UCK2: variants seen among roughly 807,000 people sequenced by gnomAD.
UCK2 encodes cytidine monophosphokinase 2.
Under a neutral mutation model 30.8 loss-of-function variants are expected in UCK2, and 6 were observed. The observed-to-expected ratio is 0.19, with a 90% CI of 0.11 to 0.38. UCK2 has a LOEUF of 0.38. Ranked by LOEUF, UCK2 falls within the 10% of genes least tolerant of loss-of-function variation. The probability of loss-of-function intolerance (pLI) is 1.00; values close to 1 mark genes in which losing one functional copy is unlikely to be tolerated. For synonymous variants in UCK2, 125 were observed against 133.6 expected (o/e 0.94, Z 0.45); for missense variants, 210 against 339.8 (o/e 0.62, Z 3.00).
intron 2 of UCK2, chr1:165,890,908 A>T (rs1009816094): frequency 9.7e-6 from 3 of 308,344 alleles, no homozygotes; most frequent in African/African-American, 6.6e-5. Context: ...TTTGCTTTCC[A>T]GGTCAGTTTA....
intron 3 of UCK2, among the ~76,000 whole-genome samples, chr1:165,895,336 C>T (rs1655872972): frequency 6.6e-6 from 1 of 152,142 alleles, no homozygotes; most frequent in South Asian, 2.1e-4. Context: ...ATCGCCTGAG[C>T]CTGGGAAGTT....
intron 3 of UCK2, 67 bp downstream of exon 3, chr1:165,891,389 A>C: frequency 1.4e-6 from 2 of 1,438,132 alleles, no homozygotes; most frequent in Non-Finnish European, 2.0e-6. Flanking sequence ...GTCTGCACTG[A>C]GACCTCCTTC....
At chr1:165,858,689 G>C (rs1464598957) in intron 1 of UCK2, among the ~76,000 whole-genome samples, 1 of 152,176 alleles carries the variant, frequency 6.6e-6, no homozygotes, top group Non-Finnish European at 1.5e-5. Context: ...CCCCATGGGA[G>C]GAGGGAGAGT....
chr1:165,868,789 C>T (rs902420025), intron 1 of UCK2, among the ~76,000 whole-genome samples: 5 of 152,186 alleles, frequency 3.3e-5, no homozygotes, highest in African/African-American at 7.2e-5. Flanking sequence ...TTCATGTGTT[C>T]ACTGGAGTGG....
rs748727831 is a variant in UCK2, at chr1:165,903,206, G to A, written c.524G>A (p.Gly175Asp). Reference protein sequence around the residue: ...RRVLRDISERGRDLEQILSQY... With the variant: ...RRVLRDISERDRDLEQILSQY... ...GTATTAAGGGACATCAGCGAGAGAG[G>A]CAGGGATCTTGAGCAGATTTTATCT... is the stretch of plus-strand genomic sequence containing the variant. The change falls in exon 5 of 7, where the codon GGC (glycine) becomes GAC (aspartate). Residue 175 changes from glycine (G) to aspartate (D), a missense_variant. Coordinates refer to ENST00000367879, the MANE Select transcript of UCK2 (RefSeq NM_012474.5). The A allele has an allele frequency of 6.2e-7, 1 of 1,614,082 alleles. No homozygotes were observed. The highest frequency in any genetic ancestry group is 2.2e-5 in the East Asian group (1 of 44,888).
intron 4 of UCK2, among the ~76,000 whole-genome samples, chr1:165,899,619 C>T (rs1647387864): frequency 6.6e-6 from 1 of 152,222 alleles, no homozygotes; most frequent in Admixed American, 6.5e-5. Context: ...TGTGGGCAGA[C>T]TTGTAGCTTC....
chr1:165,897,830 G>C (rs1253756442), intron 4 of UCK2: 1 of 152,194 alleles, frequency 6.6e-6, no homozygotes, highest in Non-Finnish European at 1.5e-5. Context: ...GGTGGGGTGA[G>C]GGACAGTTAG....
At chr1:165,863,035 A>T (rs1220181406) in intron 1 of UCK2, among the ~76,000 whole-genome samples, 1 of 152,208 alleles carries the variant, frequency 6.6e-6, no homozygotes, top group Non-Finnish European at 1.5e-5. Flanking sequence ...GGAACATAGG[A>T]AACCTATTAT....
At chr1:165,881,346 A>G (rs953730609) in intron 1 of UCK2, among the ~76,000 whole-genome samples, 1 of 151,776 alleles carries the variant, frequency 6.6e-6, no homozygotes, top group African/African-American at 2.4e-5. Flanking sequence ...ATATGTACTT[A>G]CTCAGGGTTT....
At position 165,903,191 on chromosome 1, in the gene UCK2, A is replaced by G. The variant is rs778395066; in HGVS notation, c.509A>G (p.Asp170Gly). Residue 170 changes from aspartate (D) to glycine (G), a missense_variant, in exon 5 of 7, where the codon GAC (aspartate) becomes GGC (glycine). Physicochemically the swap from Asp to Gly is moderately conservative, Grantham distance 94. This residue lies in a region of UCK2 where 47 missense variants were observed against 128.7 expected (regional missense o/e 0.37). Coordinates refer to ENST00000367879, the MANE Select transcript of UCK2 (RefSeq NM_012474.5). Reference sequence around the variant, plus strand: ...TTCCCTTCTCTTACAGTATTAAGGGACATCAGCGAGAGAGGCAGGGATCTT... The same window carrying G: ...TTCCCTTCTCTTACAGTATTAAGGGGCATCAGCGAGAGAGGCAGGGATCTT... ...DTRLSRRVLR[D>G]ISERGRDLEQ... The G allele has an allele frequency of 6.2e-7, 1 of 1,613,926 alleles. No homozygotes were observed. The highest frequency in any genetic ancestry group is 1.1e-5 in the South Asian group (1 of 91,068).
intron 3 of UCK2, chr1:165,892,744 G>A (rs1164234558): frequency 6.6e-6 from 1 of 152,358 alleles, no homozygotes; most frequent in Non-Finnish European, 1.5e-5. Context: ...AGAATGTAAA[G>A]GAGGGAGGAA....
rs2101884527 is a variant in UCK2 at position 165,896,224 on chromosome 1, G to A, written c.391G>A (p.Val131Met). ...GACAGTTACTGTCTATCCCGCAGAC[G>A]TGGTGCTCTTTGAAGGGATCCTGGC... The part of the protein sequence containing the change: ...EETVTVYPAD[V>M]VLFEGILAFY... Residue 131 changes from valine to methionine, a missense_variant, in exon 4 of 7, where the codon GTG becomes ATG. By Grantham distance (21) the Val-to-Met change is conservative (BLOSUM62 1). This residue lies in a region of UCK2 where 47 missense variants were observed against 128.7 expected (regional missense o/e 0.37). Transcript: ENST00000367879. 1 of 1,614,210 alleles carries A rather than the reference G, an allele frequency of 6.2e-7. No individual in the cohort carries two copies. Among genetic ancestry groups the A allele is most frequent in the Non-Finnish European group, 8.5e-7 (1 of 1,180,028 alleles).
intron 4 of UCK2, among the ~76,000 whole-genome samples, chr1:165,898,184 C>T (rs1647333318): frequency 1.3e-5 from 2 of 152,164 alleles, no homozygotes; most frequent in South Asian, 4.1e-4. Context: ...TACACAGGGA[C>T]AGATAAATTT....
At chr1:165,854,803 G>C (rs4431823) in intron 1 of UCK2, among the ~76,000 whole-genome samples, 1 of 152,106 alleles carries the variant, frequency 6.6e-6, no homozygotes, top group Non-Finnish European at 1.5e-5. Flanking sequence ...TCTAGTCCAT[G>C]AATACTACCT....
chr1:165,831,807 T>G (rs1258802105), intron 1 of UCK2, among the ~76,000 whole-genome samples: 1 of 152,168 alleles, frequency 6.6e-6, no homozygotes, highest in Non-Finnish European at 1.5e-5. Context: ...ACTCTGTCAC[T>G]CAGGCTGGAA....
At chr1:165,840,551 G>T (rs1322382540) in intron 1 of UCK2, among the ~76,000 whole-genome samples, 1 of 152,222 alleles carries the variant, frequency 6.6e-6, no homozygotes, top group Non-Finnish European at 1.5e-5. Flanking sequence ...CCTGGCATCT[G>T]TGCCTGACAG....
chr1:165,881,661 A>G (rs1655503707), intron 1 of UCK2, among the ~76,000 whole-genome samples: 1 of 152,238 alleles, frequency 6.6e-6, no homozygotes, highest in African/African-American at 2.4e-5. Flanking sequence ...ATAACCAAGT[A>G]TATGTAAAGC....
At position 165,827,845 on chromosome 1, in the gene UCK2, C is replaced by A; in HGVS notation, c.12C>A (p.Asp4Glu). The stretch of plus-strand genomic sequence containing the variant: ...GGGCGGCGCGAACCATGGCCGGGGA[C>A]AGCGAGCAGACCCTGCAGAACCACC... MAG[D>E]SEQTLQNHQQ... The change falls in exon 1 of 7, where the codon GAC (aspartate) becomes GAA (glutamate). Residue 4 changes from aspartate to glutamate, a missense_variant. Physicochemically the swap from Asp to Glu is conservative, Grantham distance 45. Around this residue, in one of 4 missense-constraint regions of UCK2, gnomAD observed 50 missense variants for 41.0 expected, o/e 1.22. Transcript: ENST00000367879. The A allele has an allele frequency of 6.8e-7, 1 of 1,462,334 alleles. No homozygotes were observed. 90.6% of individuals were successfully genotyped at this position (1,462,334 alleles called of 1,614,324 possible).
At chr1:165,868,912 A>G (rs146497367) in intron 1 of UCK2, among the ~76,000 whole-genome samples, 3 of 152,226 alleles carry the variant, frequency 2.0e-5, no homozygotes, top group Admixed American at 2.0e-4. Flanking sequence ...CTTCCTCACT[A>G]AGCTTAATTA....
Sources: gnomAD v4.1 joint callset for allele counts (sites outside exome capture counted in the v4.1 genomes callset) on GRCh38, gnomAD v4.1.1 for gene constraint, gnomAD v4.1.1 regional missense constraint, MANE v1.5 for transcripts, NCBI Gene and HGNC (gene_info 2026-07-23, HGNC 2026-07-21) for gene names.